The following STPG2 variants were observed in gnomAD, a reference collection of about 807,000 sequenced individuals.
STPG2 encodes the protein sperm-tail PG-rich repeat-containing protein 2.
Under a neutral mutation model 54.2 loss-of-function variants are expected in STPG2, and 56 were observed. The observed-to-expected ratio is 1.03, with a 90% confidence interval of 0.83 to 1.29. The LOEUF is 1.29. STPG2 is among the 50% of genes most tolerant of loss of function. The pLI is 0.00. For missense variants in STPG2, 596 were observed against 544.9 expected (o/e 1.09, Z -0.93); for synonymous variants, 200 against 181.8 (o/e 1.10, Z -0.81).
At chr4:98,038,341 T>C (rs914849861) in intron 5 of STPG2, among the ~76,000 whole-genome samples, 2 of 152,124 alleles carry the variant, frequency 1.3e-5, no homozygotes, top group Non-Finnish European at 2.9e-5. Context: ...AAGTTAAAAA[T>C]AGTGTGGTAT....
chr4:97,901,568 A>T (rs1172677570), intron 8 of STPG2, among the ~76,000 whole-genome samples: 1 of 151,966 alleles, frequency 6.6e-6, no homozygotes, highest in Admixed American at 6.6e-5. Flanking sequence ...TAAGAAAACC[A>T]TCTTATTTCT....
rs184268515 is a variant in STPG2 at position 97,940,237 on chromosome 4, T to G, written c.1044+3660A>C. ...CTCTAGGTGACTTTAACATTCTTTCTTTCATTTCAACCTTGGAAAATCTGA... is the reference window on the plus strand; with the variant it reads ...CTCTAGGTGACTTTAACATTCTTTCGTTCATTTCAACCTTGGAAAATCTGA... On this transcript the variant is annotated intron_variant, in intron 8 of 10. Transcript: ENST00000295268. Among the ~76,000 whole-genome samples the G allele has an allele frequency of 6.6e-5, 10 of 152,304 alleles. No individual in the cohort carries two copies. The East Asian group carries it at 1.9e-3, about 29-fold the overall frequency.
At chr4:98,057,623 T>C (rs1174911515) in intron 5 of STPG2, among the ~76,000 whole-genome samples, 2 of 152,096 alleles carry the variant, frequency 1.3e-5, no homozygotes, top group South Asian at 4.1e-4. Context: ...TGGAACCAAC[T>C]TGGAAAACAT....
At chr4:98,073,874 C>T (rs1209268113) in intron 5 of STPG2, among the ~76,000 whole-genome samples, 1 of 152,096 alleles carries the variant, frequency 6.6e-6, no homozygotes, top group Non-Finnish European at 1.5e-5. Context: ...CAATATATAT[C>T]ACTGCTTATA....
chr4:97,704,429 T>C (rs1160005955), intron 10 of STPG2, among the ~76,000 whole-genome samples: 2 of 152,006 alleles, frequency 1.3e-5, no homozygotes. Context: ...CAAGGCCTAA[T>C]ACCATAGGCT....
At chr4:98,012,954 C>A (rs571210758) in intron 5 of STPG2, among the ~76,000 whole-genome samples, 235 of 152,310 alleles carry the variant, frequency 1.5e-3, no homozygotes, top group Middle Eastern at 0.014. Flanking sequence ...CTTTCTCTTG[C>A]CTGATGGCCC....
At chr4:97,769,521 A>G (rs1726161378) in intron 9 of STPG2, among the ~76,000 whole-genome samples, 1 of 152,196 alleles carries the variant, frequency 6.6e-6, no homozygotes, top group South Asian at 2.1e-4. Flanking sequence ...ATTATCAGAT[A>G]TAATTTTTGG....
At chr4:97,505,556 G>A (rs1457969830) in intron 4 of STPG2, among the ~76,000 whole-genome samples, 1 of 151,940 alleles carries the variant, frequency 6.6e-6, no homozygotes, top group Non-Finnish European at 1.5e-5. Context: ...AAGTTCCTAA[G>A]TTCTCAATGG....
intron 4 of STPG2, among the ~76,000 whole-genome samples, chr4:97,516,346 T>C (rs1731075118): frequency 6.6e-6 from 1 of 152,108 alleles, no homozygotes; most frequent in South Asian, 2.1e-4. Context: ...ATCTAACCCA[T>C]TCATTTTAAG....
At chr4:98,098,144 T>C (rs1421699690) in intron 5 of STPG2, among the ~76,000 whole-genome samples, 1 of 152,014 alleles carries the variant, frequency 6.6e-6, no homozygotes, top group African/African-American at 2.4e-5. Flanking sequence ...GTATGTGGAA[T>C]CACAAAAGAC....
chr4:97,765,418 G>A (rs1726012297), intron 9 of STPG2, among the ~76,000 whole-genome samples: 1 of 152,108 alleles, frequency 6.6e-6, no homozygotes, highest in Admixed American at 6.6e-5. Flanking sequence ...GTAAATCCCA[G>A]TGGGAGGTTT....
rs148698005 is a variant in STPG2, at chr4:98,077,438, G to A, written c.612+28515C>T. Among the ~76,000 whole-genome samples the A allele has an allele frequency of 5.2e-3, 794 of 152,160 alleles. 11 individuals carry two copies. Among genetic ancestry groups the A allele is most frequent in the African/African-American group, 0.018 (760 of 41,492 alleles). ...TTTGTATTTAACACGGGGTTTCACC[G>A]TGTTAGCCAGGATGGTCTGGATCTC... On this transcript the variant is annotated intron_variant, in intron 5 of 10. Coordinates refer to ENST00000295268, the MANE Select transcript of STPG2 (RefSeq NM_174952.3).
At chr4:97,485,259 A>G (rs1730325065) in intron 4 of STPG2, among the ~76,000 whole-genome samples, 1 of 151,898 alleles carries the variant, frequency 6.6e-6, no homozygotes, top group South Asian at 2.1e-4. Flanking sequence ...GCGAAGAGGA[A>G]GTCAAACTGT....
intron 5 of STPG2, among the ~76,000 whole-genome samples, chr4:98,033,228 G>T (rs1333098708): frequency 6.6e-6 from 1 of 151,796 alleles, no homozygotes; most frequent in East Asian, 1.9e-4. Context: ...AAAAAGAAAA[G>T]AGAGAAGAAT....
chr4:97,462,526 A>C (rs922987480), intron 4 of STPG2, among the ~76,000 whole-genome samples: 7 of 152,090 alleles, frequency 4.6e-5, no homozygotes, highest in African/African-American at 1.7e-4. Context: ...AAAATATTGA[A>C]TGTATAATCA....
At chr4:97,751,432 G>A (rs568026740) in intron 9 of STPG2, among the ~76,000 whole-genome samples, 2 of 151,866 alleles carry the variant, frequency 1.3e-5, no homozygotes, top group African/African-American at 4.8e-5. Context: ...TAAAGTTATG[G>A]TGACATGCAA....
At chr4:98,030,321 A>G (rs72617719) in intron 5 of STPG2, among the ~76,000 whole-genome samples, 2,826 of 152,284 alleles carry the variant, frequency 0.019, 113 homozygotes, top group Admixed American at 0.1. Context: ...TAGAGATGTG[A>G]TAACTATCTC....
At chr4:97,754,653 A>G (rs1169426573) in intron 9 of STPG2, among the ~76,000 whole-genome samples, 1 of 152,072 alleles carries the variant, frequency 6.6e-6, no homozygotes, top group African/African-American at 2.4e-5. Context: ...TGTCTGGTCT[A>G]TGTAGATGCC....
chr4:98,077,225 T>TTTGTTGTTGTTG (rs56140336), intron 5 of STPG2, among the ~76,000 whole-genome samples: 3,273 of 148,654 alleles, frequency 0.022, 53 homozygotes, highest in African/African-American at 0.045. Context: ...CCTCAATAGT[T>TTTGTTGTTGTTG]TTGTTGTTGT....
Sources: gnomAD v4.1 joint callset for allele counts (sites outside exome capture counted in the v4.1 genomes callset) on GRCh38, gnomAD v4.1.1 for gene constraint, MANE v1.5 for transcripts, NCBI Gene and HGNC (gene_info 2026-07-23, HGNC 2026-07-21) for gene names.